The following SHISA6 variants were observed in gnomAD, a reference collection of about 807,000 sequenced individuals.
SHISA6 encodes shisa family member 6.
A neutral mutation model predicts 47.9 loss-of-function variants in SHISA6; 22 were observed. The observed-to-expected ratio is 0.46, with a 90% CI of 0.33 to 0.66. The LOEUF is 0.66. Ranked by LOEUF, SHISA6 falls within the 30% of genes least tolerant of loss-of-function variation. SHISA6 has a pLI of 0.02. For synonymous variants in SHISA6, 388 were observed against 337.8 expected, an observed-to-expected ratio of 1.15 and a Z score of -1.63; for missense variants, 680 against 764.6, an observed-to-expected ratio of 0.89 and a Z score of 1.30.
At chr17:11,465,358 C>T (rs1915784316) in intron 3 of SHISA6, among the ~76,000 whole-genome samples, 2 of 152,186 alleles carry the variant, frequency 1.3e-5, no homozygotes, top group Non-Finnish European at 2.9e-5. Context: ...TCCATATAGC[C>T]TATGTCCTAT....
chr17:11,307,522 T>G (rs1567567753), intron 2 of SHISA6, among the ~76,000 whole-genome samples: 1 of 152,216 alleles, frequency 6.6e-6, no homozygotes, highest in African/African-American at 2.4e-5. Flanking sequence ...CACAGTACTC[T>G]TATTCATCTT....
chr17:11,411,598 T>C (rs954787718), intron 3 of SHISA6, among the ~76,000 whole-genome samples: 1 of 151,854 alleles, frequency 6.6e-6, no homozygotes, highest in Non-Finnish European at 1.5e-5. Flanking sequence ...GATTTCACCA[T>C]GTTGGTCAGG....
At chr17:11,519,962 T>G (rs1322985849) in intron 3 of SHISA6, among the ~76,000 whole-genome samples, 1 of 152,202 alleles carries the variant, frequency 6.6e-6, no homozygotes, top group Non-Finnish European at 1.5e-5. Context: ...GCCCCAAGCT[T>G]TAGGTTTTAG....
intron 3 of SHISA6, among the ~76,000 whole-genome samples, chr17:11,423,239 G>GTATATATATATATATATAATGTA (rs71142209): frequency 7.4e-6 from 1 of 134,632 alleles, no homozygotes; most frequent in African/African-American, 2.7e-5. Context: ...GTGTGTGTGT[G>GTATATATATATATATATAATGTA]TATATATATA....
chr17:11,281,071 T>C (rs868210599), intron 2 of SHISA6, among the ~76,000 whole-genome samples: 1 of 152,224 alleles, frequency 6.6e-6, no homozygotes, highest in South Asian at 2.1e-4. Flanking sequence ...TTTTCATAGA[T>C]TTTTAGAATT....
At chr17:11,265,754 C>T (rs960201595) in intron 2 of SHISA6, among the ~76,000 whole-genome samples, 1 of 152,166 alleles carries the variant, frequency 6.6e-6, no homozygotes, top group Non-Finnish European at 1.5e-5. Context: ...CATTCTCAAG[C>T]GAGCTGGTTC....
intron 5 of SHISA6, among the ~76,000 whole-genome samples, 156 bp from the exon 6 acceptor site, chr17:11,557,598 A>G (rs2142392046): frequency 6.6e-6 from 1 of 152,272 alleles, no homozygotes; most frequent in South Asian, 2.1e-4. Flanking sequence ...TACACCCTTC[A>G]CCCGTCTGTC....
At chr17:11,255,160 A>G (rs192917898) in intron 1 of SHISA6, among the ~76,000 whole-genome samples, 2 of 152,352 alleles carry the variant, frequency 1.3e-5, no homozygotes, top group African/African-American at 4.8e-5. Flanking sequence ...TAGGTGCTTA[A>G]GAAATATAAC....
chr17:11,440,199 T>C (rs1198802823), intron 3 of SHISA6, among the ~76,000 whole-genome samples: 1 of 152,176 alleles, frequency 6.6e-6, no homozygotes, highest in Non-Finnish European at 1.5e-5. Context: ...TGTTAGAGGC[T>C]GTGGGAAATG....
intron 3 of SHISA6, among the ~76,000 whole-genome samples, chr17:11,504,557 GA>G (rs2071482303): frequency 6.6e-6 from 1 of 152,166 alleles, no homozygotes; most frequent in African/African-American, 2.4e-5. Context: ...CATAGAGTAG[GA>G]AAGTATCTAT....
At chr17:11,454,166 G>C (rs2969238) in intron 3 of SHISA6, among the ~76,000 whole-genome samples, 2 of 151,896 alleles carry the variant, frequency 1.3e-5, no homozygotes, top group Middle Eastern at 3.2e-3. Context: ...CTTTATCGCT[G>C]TCTCTTCCTA....
intron 2 of SHISA6, among the ~76,000 whole-genome samples, chr17:11,307,605 C>T (rs1467811713): frequency 6.6e-6 from 1 of 152,150 alleles, no homozygotes; most frequent in Non-Finnish European, 1.5e-5. Flanking sequence ...GTGTGTCTGG[C>T]CACCTGTGTG....
At chr17:11,539,523 C>T (rs139554500) in intron 3 of SHISA6, among the ~76,000 whole-genome samples, 1 of 152,306 alleles carries the variant, frequency 6.6e-6, no homozygotes, top group Non-Finnish European at 1.5e-5. Flanking sequence ...GAGTCAACTG[C>T]CCACCTCCCT....
intron 1 of SHISA6, among the ~76,000 whole-genome samples, chr17:11,256,777 G>A (rs1049477683): frequency 6.6e-6 from 1 of 152,196 alleles, no homozygotes; most frequent in Admixed American, 6.5e-5. Flanking sequence ...AGGCCTGGGG[G>A]AATTTTCATA....
intron 3 of SHISA6, among the ~76,000 whole-genome samples, chr17:11,482,192 A>T (rs756287627): frequency 6.6e-6 from 1 of 152,252 alleles, no homozygotes; most frequent in African/African-American, 2.4e-5. Flanking sequence ...CCCCAGGCAC[A>T]ATTAATTAAA....
At chr17:11,419,776 A>C (rs1321244471) in intron 3 of SHISA6, among the ~76,000 whole-genome samples, 2 of 152,220 alleles carry the variant, frequency 1.3e-5, no homozygotes, top group Non-Finnish European at 2.9e-5. Flanking sequence ...CATCCTTTGC[A>C]TTCCATTTCC....
intron 3 of SHISA6, among the ~76,000 whole-genome samples, chr17:11,491,435 G>A: frequency 6.6e-6 from 1 of 152,094 alleles, no homozygotes; most frequent in Non-Finnish European, 1.5e-5. Flanking sequence ...CAAGTAGCTG[G>A]GACTACAAGC....
At chr17:11,342,787 A>G (rs112084158) in intron 2 of SHISA6, among the ~76,000 whole-genome samples, 10 of 152,340 alleles carry the variant, frequency 6.6e-5, no homozygotes, top group African/African-American at 2.4e-4. Flanking sequence ...TAAGAAGTTC[A>G]ACTTGTCAGA....
intron 2 of SHISA6, among the ~76,000 whole-genome samples, chr17:11,278,160 C>G (rs1247730840): frequency 6.6e-6 from 1 of 152,134 alleles, no homozygotes; most frequent in Non-Finnish European, 1.5e-5. Context: ...AGTTATGTCG[C>G]TAGATGGACT....
Sources: gnomAD v4.1 joint callset for allele counts (sites outside exome capture counted in the v4.1 genomes callset) on GRCh38, gnomAD v4.1.1 for gene constraint, MANE v1.5 for transcripts, NCBI Gene and HGNC (gene_info 2026-07-23, HGNC 2026-07-21) for gene names.